Variants in DIO1 observed in about 807,000 individuals in gnomAD.
The protein encoded by DIO1 is iodothyronine deiodinase 1.
In DIO1, 17 loss-of-function variants were observed where a neutral mutation model predicts 25.9. That is an observed-to-expected ratio of 0.66 (90% confidence interval 0.45 to 0.98). The LOEUF is 0.98. Among genes scored for constraint, DIO1 ranks in the 50% least tolerant of loss-of-function variants. The pLI, the probability that DIO1 is intolerant of heterozygous loss-of-function variation, is 0.00. For missense variants in DIO1, 270 were observed against 310.4 expected, an observed-to-expected ratio of 0.87 and a Z score of 0.98; for synonymous variants, 115 against 114.0, an observed-to-expected ratio of 1.01 and a Z score of -0.05.
At chr1:53,900,464 C>T (rs1651300699) in intron 1 of DIO1, among the ~76,000 whole-genome samples, 1 of 152,116 alleles carries the variant, frequency 6.6e-6, no homozygotes, top group Non-Finnish European at 1.5e-5. Flanking sequence ...ATTAGCCAGG[C>T]ATGGTGGTGC....
At chr1:53,905,961 A>G in intron 2 of DIO1, 134 bp from the exon 3 acceptor site, 2 of 780,326 alleles carry the variant, frequency 2.6e-6, no homozygotes, top group Non-Finnish European at 4.2e-6. Flanking sequence ...TGCACATTCA[A>G]CCATAATGGG....
chr1:53,908,866 C>T (rs1651792677), intron 3 of DIO1, among the ~76,000 whole-genome samples: 2 of 152,066 alleles, frequency 1.3e-5, no homozygotes, highest in African/African-American at 4.8e-5. Flanking sequence ...CTGAGCCGGG[C>T]AGATCACCTG....
At chr1:53,896,941 C>G (rs1191444929) in intron 1 of DIO1, among the ~76,000 whole-genome samples, 1 of 152,206 alleles carries the variant, frequency 6.6e-6, no homozygotes, top group African/African-American at 2.4e-5. Context: ...CCACAGTGCA[C>G]AAATGACCTC....
chr1:53,899,556 C>A (rs1256207640), intron 1 of DIO1, among the ~76,000 whole-genome samples: 1 of 152,216 alleles, frequency 6.6e-6, no homozygotes, highest in Non-Finnish European at 1.5e-5. Context: ...AATAATTAAA[C>A]AAATGGCTCT....
At chr1:53,905,514 A>G (rs1651610296) in intron 2 of DIO1, among the ~76,000 whole-genome samples, 1 of 152,210 alleles carries the variant, frequency 6.6e-6, no homozygotes, top group African/African-American at 2.4e-5. Context: ...GTGAAGAATT[A>G]GGAGAAAAAA....
chr1:53,900,433 GTC>G (rs1360568239), intron 1 of DIO1, among the ~76,000 whole-genome samples: 2 of 152,062 alleles, frequency 1.3e-5, no homozygotes, highest in Middle Eastern at 3.2e-3. Flanking sequence ...GAGAAACCCT[GTC>G]TCTACTAAAA....
At chr1:53,909,058 C>T (rs1016964272) in intron 3 of DIO1, among the ~76,000 whole-genome samples, 10 of 150,192 alleles carry the variant, frequency 6.7e-5, no homozygotes, top group Non-Finnish European at 4.4e-5. Context: ...TGTGCCAGTG[C>T]ACTCCAGCCT....
At position 53,894,880 on chromosome 1, in the gene DIO1, A is replaced by G. The variant is rs1163523322; in HGVS notation, c.337+333A>G. Among the ~76,000 whole-genome samples, 1 of 152,170 alleles carries G rather than the reference A, an allele frequency of 6.6e-6. No individual in the cohort carries two copies. The highest frequency in any genetic ancestry group is 1.5e-5 in the Non-Finnish European group (1 of 68,028). On this transcript the variant is annotated intron_variant, in intron 1 of 3. Transcript: ENST00000361921. The surrounding 1 kb of genome is among the most constrained non-coding windows in gnomAD (Gnocchi z 4.9). ...TTGTTCAATCTTCAGACTGTTGCTC[A>G]ATGACGCTTCTTTCGAGAAGCCAAG...
chr1:53,894,650 G>A lies in DIO1; in HGVS notation c.337+103G>A, dbSNP rs1289042925. ...CCTGAATTCTCCTACTACTTTTGCTGCTCCTTTTGGACCTTCTTGTCCTCT... is the reference window on the plus strand; with the variant it reads ...CCTGAATTCTCCTACTACTTTTGCTACTCCTTTTGGACCTTCTTGTCCTCT... On this transcript the variant is annotated intron_variant, in intron 1 of 3. Transcript: ENST00000361921. This position sits in a 1 kb window ranked among gnomAD's most constrained non-coding sequence, Gnocchi z 4.9. 2 of 1,099,022 alleles carry A rather than the reference G, an allele frequency of 1.8e-6. No homozygotes were observed. Among genetic ancestry groups the A allele is most frequent in the East Asian group, 2.6e-5 (1 of 38,582 alleles). The allele number at this position is 1,099,022 out of a possible 1,614,324, so 68.1% of individuals were successfully genotyped here.
chr1:53,904,882 C>T (rs775343578), intron 2 of DIO1, 73 bp downstream of exon 2: 1 of 1,521,400 alleles, frequency 6.6e-7, no homozygotes. Context: ...CAGGCCCCAT[C>T]TCAAGGTTGG....
At chr1:53,904,645 T>C (rs1651550247) in intron 1 of DIO1, 21 bp from the exon 2 acceptor site, 1 of 1,609,808 alleles carries the variant, frequency 6.2e-7, no homozygotes, top group South Asian at 1.1e-5. Flanking sequence ...TCTCAGTTTG[T>C]GATGGTTGTT....
intron 2 of DIO1, among the ~76,000 whole-genome samples, chr1:53,905,087 G>C (rs1015001483): frequency 7.2e-5 from 11 of 152,070 alleles, no homozygotes; most frequent in Non-Finnish European, 1.5e-4. Flanking sequence ...GGGAAGTCAA[G>C]GGAGAAGAAC....
intron 2 of DIO1, 169 bp downstream of exon 2, chr1:53,904,978 C>A (rs779932337): frequency 4.4e-5 from 28 of 636,404 alleles, no homozygotes; most frequent in Non-Finnish European, 7.0e-5. Flanking sequence ...ACTGGGCTAA[C>A]CTCACAGTCT....
chr1:53,902,672 G>C (rs1253975143), intron 1 of DIO1, among the ~76,000 whole-genome samples: 1 of 151,774 alleles, frequency 6.6e-6, no homozygotes, highest in Non-Finnish European at 1.5e-5. Flanking sequence ...GAAACCACAG[G>C]AGGCCAGCTG....
At chr1:53,907,946 G>A (rs1224812218) in intron 3 of DIO1, among the ~76,000 whole-genome samples, 3 of 148,016 alleles carry the variant, frequency 2.0e-5, no homozygotes, top group East Asian at 4.0e-4. Flanking sequence ...ATGACCGGCC[G>A]GGCGCAGTGG....
chr1:53,902,826 G>C (rs1273338033), intron 1 of DIO1, among the ~76,000 whole-genome samples: 2 of 151,368 alleles, frequency 1.3e-5, no homozygotes, highest in African/African-American at 4.9e-5. Context: ...TTCTGCAGCA[G>C]CTGTCTTGAA....
chr1:53,897,431 G>A (rs759786081), intron 1 of DIO1, among the ~76,000 whole-genome samples: 2 of 151,966 alleles, frequency 1.3e-5, no homozygotes, highest in Non-Finnish European at 2.9e-5. Flanking sequence ...AGCCGAGATC[G>A]CACCACTGCA....
intron 1 of DIO1, among the ~76,000 whole-genome samples, chr1:53,896,719 A>G (rs1651096698): frequency 6.6e-6 from 1 of 152,192 alleles, no homozygotes. Flanking sequence ...GAGGTAATAA[A>G]CAAATCCTTA....
chr1:53,909,138 G>A (rs537508008), intron 3 of DIO1, among the ~76,000 whole-genome samples: 49 of 149,466 alleles, frequency 3.3e-4, no homozygotes, highest in Admixed American at 4.0e-4. Flanking sequence ...TTCCATGGCC[G>A]GGCGTGGTGG....
Sources: gnomAD v4.1 joint callset for allele counts (sites outside exome capture counted in the v4.1 genomes callset) on GRCh38, gnomAD v4.1.1 for gene constraint, Gnocchi (gnomAD v3.1) non-coding constraint, MANE v1.5 for transcripts, NCBI Gene and HGNC (gene_info 2026-07-23, HGNC 2026-07-21) for gene names.